Variants in SCHIP1 observed in about 807,000 individuals in gnomAD.
SCHIP1 encodes the protein schwannomin-interacting protein 1.
In SCHIP1, 8 loss-of-function variants were observed where a neutral mutation model predicts 29.7. The ratio of observed to expected loss-of-function variants is 0.27; its 90% CI spans 0.16 to 0.49. SCHIP1 has a LOEUF of 0.49. SCHIP1 is among the 20% of genes least tolerant of loss of function. The pLI, the probability that SCHIP1 is intolerant of heterozygous loss-of-function variation, is 0.99. For synonymous variants in SCHIP1, 76 were observed against 94.9 expected (o/e 0.80, Z 1.16); for missense variants, 193 against 294.6 (o/e 0.66, Z 2.52).
chr3:159,484,539 T>C, the SCHIP1 span, among the ~76,000 whole-genome samples: 4,989 of 152,220 alleles, frequency 0.033, 275 homozygotes, highest in African/African-American at 0.12. Flanking sequence ...TATGTCATTA[T>C]GTGGCAGGAG....
At chr3:159,426,009 A>C in the SCHIP1 span, among the ~76,000 whole-genome samples, 4 of 152,304 alleles carry the variant, frequency 2.6e-5, no homozygotes, top group African/African-American at 9.6e-5. Flanking sequence ...ACAAAGACAC[A>C]ACATACCAGA....
the SCHIP1 span, among the ~76,000 whole-genome samples, chr3:159,794,970 T>C: frequency 6.6e-6 from 1 of 152,130 alleles, no homozygotes. Flanking sequence ...TCTGATTTGA[T>C]TGGCCTGGGG....
the SCHIP1 span, among the ~76,000 whole-genome samples, chr3:159,695,477 G>A: frequency 1.3e-5 from 2 of 152,070 alleles, no homozygotes; most frequent in Non-Finnish European, 2.9e-5. Context: ...GAACCACTTA[G>A]CTGCTCCATC....
At chr3:159,832,332 A>G in the SCHIP1 span, among the ~76,000 whole-genome samples, 8 of 152,236 alleles carry the variant, frequency 5.3e-5, no homozygotes, top group East Asian at 1.4e-3. Flanking sequence ...CTCCTGACCC[A>G]GTTCTTCTAG....
At chr3:159,566,817 A>G in the SCHIP1 span, among the ~76,000 whole-genome samples, 1 of 152,198 alleles carries the variant, frequency 6.6e-6, no homozygotes, top group Non-Finnish European at 1.5e-5. Flanking sequence ...TACCTCCCTA[A>G]GTACATGTGC....
At chr3:159,783,948 C>A in the SCHIP1 span, among the ~76,000 whole-genome samples, 1 of 152,318 alleles carries the variant, frequency 6.6e-6, no homozygotes, top group Non-Finnish European at 1.5e-5. Flanking sequence ...CAGGTATTCT[C>A]ATGCCAGCCA....
intron 1 of SCHIP1, among the ~76,000 whole-genome samples, chr3:159,855,660 G>A (rs1713261778): frequency 6.8e-6 from 1 of 147,384 alleles, no homozygotes; most frequent in Non-Finnish European, 1.5e-5. Flanking sequence ...AGTAAAAGTT[G>A]TAATTTTTTT....
the SCHIP1 span, chr3:159,273,434 G>A: frequency 3.0e-6 from 3 of 1,016,436 alleles, no homozygotes; most frequent in Admixed American, 5.3e-5. Context: ...GAAGTGAATC[G>A]GCTGCTTTGG....
the SCHIP1 span, among the ~76,000 whole-genome samples, chr3:159,620,232 T>C: frequency 1.3e-5 from 2 of 152,216 alleles, no homozygotes; most frequent in Non-Finnish European, 2.9e-5. Context: ...TATAAAAAAA[T>C]GTGTGACAAG....
At chr3:159,311,336 GT>G in the SCHIP1 span, among the ~76,000 whole-genome samples, 2 of 152,020 alleles carry the variant, frequency 1.3e-5, no homozygotes, top group Non-Finnish European at 2.9e-5. Context: ...TTTTGCATCA[GT>G]TTGAAATTCT....
chr3:159,756,106 C>T, the SCHIP1 span, among the ~76,000 whole-genome samples: 1 of 152,244 alleles, frequency 6.6e-6, no homozygotes, highest in East Asian at 1.9e-4. Flanking sequence ...CTTCTCACAG[C>T]TCTACTAGAC....
chr3:159,328,845 A>G, the SCHIP1 span, among the ~76,000 whole-genome samples: 3 of 152,188 alleles, frequency 2.0e-5, no homozygotes, highest in African/African-American at 4.8e-5. Flanking sequence ...TTTGTTTCCA[A>G]TGGGATGCAC....
chr3:159,455,597 A>G, the SCHIP1 span, among the ~76,000 whole-genome samples: 90 of 152,352 alleles, frequency 5.9e-4, no homozygotes, highest in African/African-American at 2.0e-3. Context: ...GAAGAAACCT[A>G]TTTCACAGGT....
chr3:159,413,963 ACC>A, the SCHIP1 span, among the ~76,000 whole-genome samples: 13 of 152,290 alleles, frequency 8.5e-5, no homozygotes, highest in African/African-American at 3.1e-4. Flanking sequence ...CATGTAAGAC[ACC>A]CATCCAGTGG....
the SCHIP1 span, chr3:159,401,356 G>A: frequency 5.1e-6 from 5 of 973,144 alleles, no homozygotes; most frequent in South Asian, 2.4e-4. Context: ...GTGGGATGTA[G>A]TTCTAATGTA....
chr3:159,382,328 T>A, the SCHIP1 span, among the ~76,000 whole-genome samples: 3 of 150,480 alleles, frequency 2.0e-5, no homozygotes, highest in Admixed American at 6.6e-5. Flanking sequence ...TCATTGTTCA[T>A]TTCCCACCTA....
At chr3:159,819,418 T>C in the SCHIP1 span, among the ~76,000 whole-genome samples, 2 of 152,162 alleles carry the variant, frequency 1.3e-5, no homozygotes, top group Non-Finnish European at 2.9e-5. Flanking sequence ...GGGAAGAATA[T>C]CAAAGAATTT....
chr3:159,374,943 G>C, the SCHIP1 span, among the ~76,000 whole-genome samples: 1,225 of 152,264 alleles, frequency 8.0e-3, 18 homozygotes, highest in African/African-American at 0.028. Context: ...CTATGAAAAA[G>C]AAGAATGTAG....
the SCHIP1 span, among the ~76,000 whole-genome samples, chr3:159,466,917 G>A: frequency 6.6e-6 from 1 of 151,922 alleles, no homozygotes; most frequent in Non-Finnish European, 1.5e-5. Flanking sequence ...GGTCTCCTTT[G>A]TTTCTTCCTG....
Sources: allele counts gnomAD v4.1 joint callset (sites outside exome capture counted in the v4.1 genomes callset), GRCh38; gene constraint gnomAD v4.1.1; transcripts MANE v1.5; gene names NCBI Gene and HGNC (gene_info 2026-07-23, HGNC 2026-07-21).